LNPK: variants seen among roughly 807,000 people sequenced by gnomAD.
LNPK encodes the protein endoplasmic reticulum junction formation protein lunapark.
A neutral mutation model predicts 55.2 loss-of-function variants in LNPK; 29 were observed. The observed-to-expected ratio is 0.53, with a 90% CI of 0.39 to 0.72. The LOEUF (loss-of-function observed/expected upper bound fraction) is 0.72, where lower values mean the gene tolerates loss of function less well. LNPK is among the 30% of genes least tolerant of loss of function. LNPK has a pLI of 0.00. For missense variants in LNPK, 467 were observed against 494.8 expected, an observed-to-expected ratio of 0.94 and a Z score of 0.53; for synonymous variants, 162 against 168.2, an observed-to-expected ratio of 0.96 and a Z score of 0.29.
chr2:175,995,303 T>C (rs1574906273), intron 2 of LNPK, among the ~76,000 whole-genome samples: 1 of 151,978 alleles, frequency 6.6e-6, no homozygotes, highest in East Asian at 1.9e-4. Context: ...TGCACACAAA[T>C]ACAGAAATAC....
At chr2:175,968,027 T>C (rs538500718) in intron 6 of LNPK, among the ~76,000 whole-genome samples, 5 of 152,190 alleles carry the variant, frequency 3.3e-5, no homozygotes, top group African/African-American at 1.2e-4. Flanking sequence ...AGTAGGTATA[T>C]AAACATTTTT....
chr2:175,979,838 G>A lies in LNPK; in HGVS notation c.288C>T (p.Phe96=). The A allele has an allele frequency of 1.9e-6, 3 of 1,579,822 alleles. No homozygotes were observed. Among genetic ancestry groups the A allele is most frequent in the South Asian group, 1.2e-5 (1 of 83,906 alleles). Residue 96 remains phenylalanine, a synonymous_variant, in exon 5 of 13, where the codon TTC becomes TTT. Transcript: ENST00000272748. The stretch of plus-strand genomic sequence containing the variant: ...TTCTTTCTGTTCTCTTGGAAAAGAA[G>A]AAAATAATTACTGTTCTTATGCTCC... ...IIWSIRTVII[F]FFSKRTERNN...
Position 175,993,267 on chromosome 2 carries a change from C to A in LNPK, c.28-44G>T, listed in dbSNP as rs764651946. ...CAAGAGACAGCATTAAAACTTATCA[C>A]AAACCTTTACATTTTGATATAATCA... On this transcript the variant is annotated intron_variant, in intron 2 of 12. Coordinates refer to ENST00000272748, the MANE Select transcript of LNPK (RefSeq NM_030650.3). 3 of 1,198,288 alleles carry A rather than the reference C, an allele frequency of 2.5e-6. No homozygotes were observed. The Admixed American group carries it at 7.7e-5, about 31-fold the overall frequency. 74.2% of individuals were successfully genotyped at this position (1,198,288 alleles called of 1,614,324 possible). A position where few individuals can be genotyped will look rare whatever the true frequency, so the allele number is the denominator to read the frequency against.
intron 8 of LNPK, among the ~76,000 whole-genome samples, chr2:175,962,995 C>A (rs1226676735): frequency 1.3e-5 from 2 of 148,284 alleles, no homozygotes; most frequent in Non-Finnish European, 3.0e-5. Context: ...CAAATCAAAA[C>A]CACAATGAGA....
At chr2:175,989,986 C>G (rs1687621971) in intron 4 of LNPK, among the ~76,000 whole-genome samples, 1 of 152,184 alleles carries the variant, frequency 6.6e-6, no homozygotes, top group South Asian at 2.1e-4. Flanking sequence ...AGACAGCAGT[C>G]ACTTTTTACA....
intron 9 of LNPK, 129 bp downstream of exon 9, chr2:175,947,351 G>C: frequency 2.8e-6 from 2 of 709,314 alleles, no homozygotes; most frequent in East Asian, 5.4e-5. Flanking sequence ...TGGAACTCCT[G>C]CTTAATCAGA....
intron 6 of LNPK, among the ~76,000 whole-genome samples, chr2:175,968,619 A>G (rs1686491307): frequency 6.6e-6 from 1 of 152,162 alleles, no homozygotes; most frequent in African/African-American, 2.4e-5. Context: ...ATTACTTCCT[A>G]ACTTTATAAT....
At chr2:175,936,321 G>A (rs1019156136) in intron 12 of LNPK, among the ~76,000 whole-genome samples, 2 of 151,788 alleles carry the variant, frequency 1.3e-5, no homozygotes, top group African/African-American at 4.8e-5. Flanking sequence ...AAAAAATATC[G>A]ATACTCAAAT....
Position 175,964,381 on chromosome 2 carries a change from G to A in LNPK, c.484C>T (p.Pro162Ser). The stretch of plus-strand genomic sequence containing the variant: ...CTACTAAGTTATTTACCTTGTCCAG[G>A]TCTTGCAGTTACAGCTGCTCCAGCA... ...PSAGAAVTAR[P>S]GQEIRQRTAA... The change falls in exon 8 of 13, where the codon CCT (proline) becomes TCT (serine). Residue 162 changes from proline (P) to serine (S), a missense_variant. By Grantham distance (74) the Pro-to-Ser change is moderately conservative. Coordinates refer to ENST00000272748, the MANE Select transcript of LNPK (RefSeq NM_030650.3). 2.5e-6 allele frequency: 4 copies of A among 1,612,900 alleles called. No individual in the cohort carries two copies. Among genetic ancestry groups the A allele is most frequent in the Non-Finnish European group, 3.4e-6 (4 of 1,178,996 alleles).
At chr2:175,937,266 T>C (rs776283273) in intron 12 of LNPK, 78 bp downstream of exon 12, 1 of 1,357,208 alleles carries the variant, frequency 7.4e-7, no homozygotes, top group Non-Finnish European at 1.0e-6. Context: ...AATCCATCTT[T>C]ATCTAAAAGC....
chr2:175,991,391 T>C (rs761398686), intron 4 of LNPK, among the ~76,000 whole-genome samples: 1 of 152,318 alleles, frequency 6.6e-6, no homozygotes. Context: ...TGCAATATTA[T>C]GAAAGCACTC....
intron 8 of LNPK, 30 bp downstream of exon 8, chr2:175,964,342 A>G: frequency 6.3e-7 from 1 of 1,587,066 alleles, no homozygotes; most frequent in Non-Finnish European, 8.6e-7. Context: ...TCTTTCCAAC[A>G]GCAGCAGCAG....
intron 3 of LNPK, 83 bp from the exon 4 acceptor site, chr2:175,992,501 A>G (rs1687752929): frequency 1.2e-6 from 1 of 818,496 alleles, no homozygotes. Flanking sequence ...AGCAGGAAAG[A>G]TATTTAAGAA....
chr2:175,962,603 A>C (rs1457500526), intron 8 of LNPK, among the ~76,000 whole-genome samples: 1 of 152,240 alleles, frequency 6.6e-6, no homozygotes, highest in African/African-American at 2.4e-5. Context: ...TAAAAAACCT[A>C]GAAGAAAACC....
intron 4 of LNPK, among the ~76,000 whole-genome samples, chr2:175,989,742 A>G (rs1687605585): frequency 6.6e-6 from 1 of 152,202 alleles, no homozygotes; most frequent in South Asian, 2.1e-4. Flanking sequence ...TAATAGTTGA[A>G]AAGATCAAGG....
Position 175,927,646 on chromosome 2 carries a change from C to G in LNPK, c.*2321G>C, listed in dbSNP as rs1409028389. The G allele has an allele frequency of 6.6e-6, 1 of 152,070 alleles. No individual in the cohort carries two copies. Among genetic ancestry groups the G allele is most frequent in the African/African-American group, 2.4e-5 (1 of 41,404 alleles). The allele number at this position is 152,070 out of a possible 1,614,324, so 9.4% of individuals were successfully genotyped here. ...CAGGACATAGAAGAATTTAGATGACCCACTGAACAATTGTAAGCAAGGAAG... is the reference window on the plus strand; with the variant it reads ...CAGGACATAGAAGAATTTAGATGACGCACTGAACAATTGTAAGCAAGGAAG... On this transcript the variant is annotated 3_prime_UTR_variant, in exon 13 of 13. Transcript: ENST00000272748.
At chr2:175,962,898 A>T (rs1217766317) in intron 8 of LNPK, among the ~76,000 whole-genome samples, 3 of 150,940 alleles carry the variant, frequency 2.0e-5, no homozygotes, top group African/African-American at 7.3e-5. Context: ...GGCGAAGGAC[A>T]TGAACAGACA....
At chr2:176,001,728 C>G (rs1688167249) in intron 1 of LNPK, among the ~76,000 whole-genome samples, 1 of 152,170 alleles carries the variant, frequency 6.6e-6, no homozygotes, top group African/African-American at 2.4e-5. Flanking sequence ...GCGGAGAGAA[C>G]GCTCAAAGCG....
intron 4 of LNPK, among the ~76,000 whole-genome samples, chr2:175,991,710 A>C (rs1687709575): frequency 6.6e-6 from 1 of 152,236 alleles, no homozygotes; most frequent in Non-Finnish European, 1.5e-5. Context: ...TTGACTGAAT[A>C]AACAAACTTT....
Sources: gnomAD v4.1 joint callset for allele counts (sites outside exome capture counted in the v4.1 genomes callset) on GRCh38, gnomAD v4.1.1 for gene constraint, MANE v1.5 for transcripts, NCBI Gene and HGNC (gene_info 2026-07-23, HGNC 2026-07-21) for gene names.